The following ADCY1 variants were observed in gnomAD, a reference collection of about 807,000 sequenced individuals.
The protein encoded by ADCY1 is adenylate cyclase 1.
ADCY1 carries 28 observed loss-of-function variants against 105.4 expected under a neutral mutation model. The observed-to-expected ratio is 0.27, with a 90% CI of 0.20 to 0.36. The LOEUF is 0.36. ADCY1 is among the 10% of genes least tolerant of loss of function. The pLI, the probability that ADCY1 is intolerant of heterozygous loss-of-function variation, is 1.00. For synonymous variants in ADCY1, 655 were observed against 623.8 expected (o/e 1.05, Z -0.75); for missense variants, 977 against 1,434.2 (o/e 0.68, Z 5.15).
At chr7:45,576,010 GC>G (rs1210271411) in intron 1 of ADCY1, among the ~76,000 whole-genome samples, 1 of 151,910 alleles carries the variant, frequency 6.6e-6, no homozygotes, top group Non-Finnish European at 1.5e-5. Context: ...TTCCCCTTGT[GC>G]CCATCTCCAA....
upstream of ADCY1, among the ~76,000 whole-genome samples, chr7:45,574,356 C>T (rs561544199): frequency 7.3e-6 from 1 of 136,680 alleles, no homozygotes; most frequent in Admixed American, 7.2e-5. This position sits in a 1 kb window ranked among gnomAD's most constrained non-coding sequence, Gnocchi z 7.0. Context: ...GCAGGCGCGG[C>T]GGGCGGGAGG....
intron 2 of ADCY1, among the ~76,000 whole-genome samples, chr7:45,605,474 A>AT (rs1793348892): frequency 6.6e-6 from 1 of 151,588 alleles, no homozygotes; most frequent in African/African-American, 2.4e-5. Context: ...TGAGGAGGAA[A>AT]TTTTTTTTCT....
chr7:45,664,545 G>A, intron 8 of ADCY1: 1 of 1,331,116 alleles, frequency 7.5e-7, no homozygotes, highest in Non-Finnish European at 9.7e-7. Flanking sequence ...AGATGCACAA[G>A]GGAGAAAATG....
chr7:45,712,287 C>T (rs1455429737), intron 19 of ADCY1, among the ~76,000 whole-genome samples: 2 of 143,858 alleles, frequency 1.4e-5, no homozygotes, highest in African/African-American at 5.2e-5. Context: ...TTTACAATGA[C>T]TGTATCCTGC....
rs1021014403 is a variant in ADCY1, at chr7:45,664,379, C to T, written c.1605+2165C>T. The T allele has an allele frequency of 7.8e-6, 12 of 1,536,064 alleles. No homozygotes were observed. In the Admixed American group the frequency reaches 2.2e-4, roughly 28 times the overall value. Reference sequence around the variant, plus strand: ...ACGGGGACGACTGTGCACGTAGCTTCAGGTCCTGCCCAACAGCCACTGTCA... The same window carrying T: ...ACGGGGACGACTGTGCACGTAGCTTTAGGTCCTGCCCAACAGCCACTGTCA... On this transcript the variant is annotated intron_variant, in intron 8 of 19. Coordinates refer to ENST00000297323, the MANE Select transcript of ADCY1 (RefSeq NM_021116.4).
At chr7:45,638,534 G>A (rs1332469097) in intron 4 of ADCY1, among the ~76,000 whole-genome samples, 1 of 148,408 alleles carries the variant, frequency 6.7e-6, no homozygotes, top group African/African-American at 2.5e-5. Context: ...TGCATTGTTG[G>A]TGTTACGTAT....
intron 10 of ADCY1, among the ~76,000 whole-genome samples, chr7:45,678,466 G>A (rs1464676325): frequency 6.6e-6 from 1 of 152,148 alleles, no homozygotes; most frequent in African/African-American, 2.4e-5. Flanking sequence ...AGTGTAACAA[G>A]CCTTGATGGT....
At chr7:45,600,658 C>T (rs1253658910) in intron 2 of ADCY1, among the ~76,000 whole-genome samples, 2 of 152,234 alleles carry the variant, frequency 1.3e-5, no homozygotes, top group African/African-American at 2.4e-5. Context: ...TGGGTGGCTG[C>T]AACAAGAGAA....
chr7:45,580,398 C>T (rs1010096514), intron 1 of ADCY1, among the ~76,000 whole-genome samples: 1 of 152,184 alleles, frequency 6.6e-6, no homozygotes, highest in African/African-American at 2.4e-5. Context: ...CTGCCGGGGC[C>T]TCCCTGCCTC....
chr7:45,640,289 C>T (rs1013142735), intron 4 of ADCY1, among the ~76,000 whole-genome samples: 1 of 152,158 alleles, frequency 6.6e-6, no homozygotes, highest in African/African-American at 2.4e-5. Flanking sequence ...TGAGCAGCTC[C>T]CGCTTAAGAC....
chr7:45,604,205 T>G (rs888226796), intron 2 of ADCY1, among the ~76,000 whole-genome samples: 3 of 152,218 alleles, frequency 2.0e-5, no homozygotes, highest in Non-Finnish European at 4.4e-5. Flanking sequence ...TCTAACTGGA[T>G]TTTTTAAACT....
At chr7:45,634,392 T>G (rs546533813) in intron 4 of ADCY1, among the ~76,000 whole-genome samples, 1 of 151,878 alleles carries the variant, frequency 6.6e-6, no homozygotes, top group Non-Finnish European at 1.5e-5. Flanking sequence ...TTTATCAAGT[T>G]GAGCAAGTTT....
intron 5 of ADCY1, among the ~76,000 whole-genome samples, chr7:45,655,929 A>G (rs1309957281): frequency 1.3e-5 from 2 of 152,100 alleles, no homozygotes; most frequent in Non-Finnish European, 2.9e-5. Context: ...TAAATTTTTT[A>G]TTTCAGCGTT....
intron 4 of ADCY1, among the ~76,000 whole-genome samples, chr7:45,633,709 G>A (rs1262898415): frequency 6.6e-6 from 1 of 151,572 alleles, no homozygotes; most frequent in Non-Finnish European, 1.5e-5. Context: ...GACTGAGGCA[G>A]GAGAATCGCT....
At chr7:45,590,789 A>G (rs753961115) in intron 1 of ADCY1, among the ~76,000 whole-genome samples, 22 of 152,150 alleles carry the variant, frequency 1.4e-4, no homozygotes, top group African/African-American at 1.9e-4. Flanking sequence ...GACCCCTCAC[A>G]GGTGACAGCC....
At chr7:45,621,036 A>G (rs1217976764) in intron 3 of ADCY1, among the ~76,000 whole-genome samples, 4 of 152,130 alleles carry the variant, frequency 2.6e-5, no homozygotes, top group African/African-American at 9.7e-5. Context: ...CCCTGAATAG[A>G]ATGGAGTCTT....
intron 4 of ADCY1, among the ~76,000 whole-genome samples, chr7:45,625,683 T>C (rs896082826): frequency 6.6e-6 from 1 of 152,124 alleles, no homozygotes; most frequent in Admixed American, 6.5e-5. Context: ...TGCATGTGTG[T>C]GTACCTGTGT....
chr7:45,697,587 T>C (rs1784911741), intron 14 of ADCY1, among the ~76,000 whole-genome samples: 1 of 151,988 alleles, frequency 6.6e-6, no homozygotes, highest in African/African-American at 2.4e-5. Context: ...ATGGGGTTTC[T>C]CCATGTTGGT....
At position 45,718,680 on chromosome 7, in the gene ADCY1, C is replaced by T. The variant is rs1785405053; in HGVS notation, c.*4685C>T. On this transcript the variant is annotated 3_prime_UTR_variant, in exon 20 of 20. Coordinates refer to ENST00000297323, the MANE Select transcript of ADCY1 (RefSeq NM_021116.4). Reference sequence around the variant, plus strand: ...TGCTTCAACCTTTCTCAGTCCCGGCCCTCACTGCACCCACCAAGTCAAGCA... The same window carrying T: ...TGCTTCAACCTTTCTCAGTCCCGGCTCTCACTGCACCCACCAAGTCAAGCA... 1 of 152,166 alleles carries T rather than the reference C, an allele frequency of 6.6e-6. No homozygotes were observed. Among genetic ancestry groups the T allele is most frequent in the Non-Finnish European group, 1.5e-5 (1 of 68,042 alleles). The allele number at this position is 152,166 out of a possible 1,614,324, so 9.4% of individuals were successfully genotyped here.
Sources: allele counts gnomAD v4.1 joint callset (sites outside exome capture counted in the v4.1 genomes callset), GRCh38; gene constraint gnomAD v4.1.1; non-coding constraint Gnocchi (gnomAD v3.1); transcripts MANE v1.5; gene names NCBI Gene and HGNC (gene_info 2026-07-23, HGNC 2026-07-21).